LARGE1: variants seen among roughly 807,000 people sequenced by gnomAD.
LARGE1 encodes the protein xylosyl- and glucuronyltransferase LARGE1.
In LARGE1, 43 loss-of-function variants were observed where a neutral mutation model predicts 87.6. That is an observed-to-expected ratio of 0.49 (90% CI 0.38 to 0.63). LARGE1 has a LOEUF of 0.63. LARGE1 is among the 30% of genes least tolerant of loss of function. The pLI, the probability that LARGE1 is intolerant of heterozygous loss-of-function variation, is 0.00. For synonymous variants in LARGE1, 434 were observed against 394.6 expected (o/e 1.10, Z -1.18); for missense variants, 802 against 1,000.2 (o/e 0.80, Z 2.67).
At chr22:33,884,454 A>T (rs1451231867) in intron 1 of LARGE1, among the ~76,000 whole-genome samples, 3 of 152,174 alleles carry the variant, frequency 2.0e-5, no homozygotes, top group African/African-American at 7.2e-5. Context: ...AGGCCCCCAT[A>T]TTGTGCCAGC....
intron 5 of LARGE1, among the ~76,000 whole-genome samples, chr22:33,592,361 A>C (rs1157908296): frequency 6.6e-6 from 1 of 151,756 alleles, no homozygotes. Flanking sequence ...CTTAGGCTTT[A>C]TTTCATTTGA....
intron 1 of LARGE1, among the ~76,000 whole-genome samples, chr22:33,773,874 C>T (rs1407286752): frequency 6.6e-6 from 1 of 152,164 alleles, no homozygotes; most frequent in Non-Finnish European, 1.5e-5. Flanking sequence ...ATTAATAGGA[C>T]TAAAATAAAT....
the LARGE1 span, among the ~76,000 whole-genome samples, chr22:33,135,346 G>C: frequency 2.6e-5 from 4 of 152,176 alleles, no homozygotes; most frequent in Non-Finnish European, 5.9e-5. Flanking sequence ...TTGGGTTCAA[G>C]AGGCTATCGG....
intron 2 of LARGE1, among the ~76,000 whole-genome samples, chr22:33,674,761 C>T (rs558173230): frequency 4.0e-4 from 61 of 152,262 alleles, no homozygotes; most frequent in African/African-American, 1.2e-3. Context: ...ATCCCCAACA[C>T]GCCCAATTTG....
At chr22:33,342,027 G>T (rs1939203757) in intron 9 of LARGE1, among the ~76,000 whole-genome samples, 1 of 152,184 alleles carries the variant, frequency 6.6e-6, no homozygotes, top group South Asian at 2.1e-4. Flanking sequence ...ACATTTCAGG[G>T]ACGTATGAGT....
intron 1 of LARGE1, among the ~76,000 whole-genome samples, chr22:33,831,413 C>T (rs1359908031): frequency 6.6e-6 from 1 of 152,176 alleles, no homozygotes; most frequent in Non-Finnish European, 1.5e-5. Context: ...AGACAGGAAG[C>T]CAGGGCCTGG....
the LARGE1 span, among the ~76,000 whole-genome samples, chr22:33,082,150 A>G: frequency 2.0e-5 from 3 of 152,214 alleles, no homozygotes; most frequent in African/African-American, 7.2e-5. Context: ...CTAGTTGAAT[A>G]GCAGAGCAGC....
At chr22:33,650,774 T>A in intron 2 of LARGE1, 106 bp from the exon 3 acceptor site, 1 of 1,280,074 alleles carries the variant, frequency 7.8e-7, no homozygotes, top group Non-Finnish European at 1.1e-6. Flanking sequence ...CCTTGCACAA[T>A]CCCATGTTTA....
chr22:33,701,445 T>TTAAACCAAAGG (rs2082401735), intron 2 of LARGE1, among the ~76,000 whole-genome samples: 1 of 152,228 alleles, frequency 6.6e-6, no homozygotes, highest in Non-Finnish European at 1.5e-5. Flanking sequence ...GGGACTTTTA[T>TTAAACCAAAGG]GTCTCTCTCA....
chr22:33,888,274 T>G (rs1012745847), intron 1 of LARGE1, among the ~76,000 whole-genome samples: 1 of 151,410 alleles, frequency 6.6e-6, no homozygotes, highest in African/African-American at 2.4e-5. Context: ...AAAAAAAAAG[T>G]AATAAAAAAA....
chr22:33,720,648 C>A (rs1359252196), intron 2 of LARGE1, among the ~76,000 whole-genome samples: 1 of 152,184 alleles, frequency 6.6e-6, no homozygotes, highest in Non-Finnish European at 1.5e-5. Context: ...GTCCAAGTCC[C>A]AGAGTCCAGA....
intron 11 of LARGE1, among the ~76,000 whole-genome samples, chr22:33,188,164 A>G (rs1346181460): frequency 2.0e-5 from 3 of 152,002 alleles, no homozygotes; most frequent in African/African-American, 7.2e-5. Context: ...TAATAATTAA[A>G]TAATAAATAA....
chr22:33,628,527 G>C lies in LARGE1; in HGVS notation c.409-2201C>G, dbSNP rs190812241. Among the ~76,000 whole-genome samples, 207 of 152,088 alleles carry C rather than the reference G, an allele frequency of 1.4e-3. 1 individual carries two copies. The highest frequency in any genetic ancestry group is 4.7e-3 in the African/African-American group (195 of 41,504). On this transcript the variant is annotated intron_variant, in intron 3 of 14. Coordinates refer to ENST00000397394, the MANE Select transcript of LARGE1 (RefSeq NM_133642.5). The stretch of plus-strand genomic sequence containing the variant: ...AGCTGGTTTTTACCATGTTGGTCAG[G>C]CTGGTCTCAAACTCTTGACCTCAAG...
At chr22:33,472,258 A>T (rs976651113) in intron 6 of LARGE1, among the ~76,000 whole-genome samples, 8 of 152,216 alleles carry the variant, frequency 5.3e-5, no homozygotes, top group African/African-American at 1.9e-4. Flanking sequence ...GACCTTCCCA[A>T]GCACTTTGCA....
At chr22:33,572,689 G>A (rs1456276528) in intron 5 of LARGE1, among the ~76,000 whole-genome samples, 3 of 151,722 alleles carry the variant, frequency 2.0e-5, no homozygotes, top group East Asian at 2.0e-4. Context: ...AGCCAACATG[G>A]TACAACCCCA....
At chr22:33,528,935 T>G (rs924121744) in intron 6 of LARGE1, among the ~76,000 whole-genome samples, 2 of 152,202 alleles carry the variant, frequency 1.3e-5, no homozygotes, top group Admixed American at 6.5e-5. Context: ...ATTTTGCACG[T>G]ATGGAGTCAT....
chr22:33,724,931 G>C (rs1445737067), intron 2 of LARGE1: 2 of 152,476 alleles, frequency 1.3e-5, no homozygotes, highest in Non-Finnish European at 2.9e-5. Context: ...GAAAGGTGGG[G>C]TGGGAGGAGG....
chr22:33,474,668 C>A (rs745321570), intron 6 of LARGE1, among the ~76,000 whole-genome samples: 4 of 152,182 alleles, frequency 2.6e-5, no homozygotes, highest in Non-Finnish European at 4.4e-5. Context: ...CGGAGCCTCA[C>A]CTTGAACATC....
chr22:33,887,954 C>T (rs1401512537), intron 1 of LARGE1, among the ~76,000 whole-genome samples: 1 of 152,216 alleles, frequency 6.6e-6, no homozygotes, highest in African/African-American at 2.4e-5. Flanking sequence ...CACCACTTCC[C>T]AGAAGGAATA....
Sources: gnomAD v4.1 joint callset for allele counts (sites outside exome capture counted in the v4.1 genomes callset) on GRCh38, gnomAD v4.1.1 for gene constraint, MANE v1.5 for transcripts, NCBI Gene and HGNC (gene_info 2026-07-23, HGNC 2026-07-21) for gene names.